The following EIF2S2 variants were observed in gnomAD, a reference collection of about 807,000 sequenced individuals.
The protein encoded by EIF2S2 is eukaryotic translation initiation factor 2 subunit 2.
Under a neutral mutation model 44.0 loss-of-function variants are expected in EIF2S2, and 4 were observed. The ratio of observed to expected loss-of-function variants is 0.09; its 90% CI spans 0.04 to 0.21. The LOEUF (loss-of-function observed/expected upper bound fraction) is 0.21. Among genes scored for constraint, EIF2S2 ranks in the 10% least tolerant of loss-of-function variants. EIF2S2 has a pLI of 1.00. For synonymous variants in EIF2S2, 108 were observed against 128.3 expected (o/e 0.84, Z 1.07); for missense variants, 154 against 392.0 (o/e 0.39, Z 5.13).
intron 7 of EIF2S2, among the ~76,000 whole-genome samples, chr20:34,092,148 T>C (rs2122391787): frequency 6.6e-6 from 1 of 152,330 alleles, no homozygotes; most frequent in Non-Finnish European, 1.5e-5. Context: ...GCTACAGTGA[T>C]TGCAATGCTT....
At chr20:34,110,522 C>T (rs985080795) in intron 1 of EIF2S2, among the ~76,000 whole-genome samples, 1 of 152,192 alleles carries the variant, frequency 6.6e-6, no homozygotes, top group Non-Finnish European at 1.5e-5. Flanking sequence ...CAAACTAATA[C>T]TTTATTGGCT....
At chr20:34,111,955 T>A in intron 1 of EIF2S2, 141 bp downstream of exon 1, 1 of 984,772 alleles carries the variant, frequency 1.0e-6, no homozygotes. Flanking sequence ...CCTCGCCGGC[T>A]CTGCCGCTCC....
chr20:34,098,848 G>A (rs895188657), intron 3 of EIF2S2, among the ~76,000 whole-genome samples: 22 of 152,156 alleles, frequency 1.4e-4, no homozygotes, highest in African/African-American at 3.9e-4. Context: ...TAAAAATGAC[G>A]TGGGCTGACA....
rs949095656 is a variant in EIF2S2 at position 34,112,174 on chromosome 20, G to T, written c.-64C>A. 2 of 1,482,930 alleles carry T rather than the reference G, an allele frequency of 1.3e-6. No homozygotes were observed. The highest frequency in any genetic ancestry group is 2.8e-5 in the African/African-American group (2 of 70,738). The allele number at this position is 1,482,930 out of a possible 1,614,324, so 91.9% of individuals were successfully genotyped here. Reference sequence around the variant, plus strand: ...AGACGGGTCAGCCCCAGGCCCCGGCGGCAGCGCTGCCCCTGCCGATACCTC... The same window carrying T: ...AGACGGGTCAGCCCCAGGCCCCGGCTGCAGCGCTGCCCCTGCCGATACCTC... On this transcript the variant is annotated 5_prime_UTR_variant, in exon 1 of 9. Coordinates refer to ENST00000374980, the MANE Select transcript of EIF2S2 (RefSeq NM_003908.5).
intron 6 of EIF2S2, among the ~76,000 whole-genome samples, chr20:34,094,655 TTAAA>T (rs2034206438): frequency 6.6e-6 from 1 of 151,808 alleles, no homozygotes; most frequent in African/African-American, 2.4e-5. Flanking sequence ...AGAGGAGTGG[TTAAA>T]TAAATCCATT....
intron 3 of EIF2S2, among the ~76,000 whole-genome samples, chr20:34,100,570 C>T (rs1434296915): frequency 6.6e-6 from 1 of 151,872 alleles, no homozygotes; most frequent in Non-Finnish European, 1.5e-5. Context: ...ATCTCATTAG[C>T]GTACCAAAGA....
chr20:34,099,578 C>T (rs552515122), intron 3 of EIF2S2, among the ~76,000 whole-genome samples: 1 of 152,174 alleles, frequency 6.6e-6, no homozygotes, highest in Admixed American at 6.5e-5. Flanking sequence ...CAGACACACA[C>T]TATCCAGAGT....
intron 7 of EIF2S2, among the ~76,000 whole-genome samples, chr20:34,092,915 C>T (rs2034184185): frequency 6.6e-6 from 1 of 152,224 alleles, no homozygotes; most frequent in South Asian, 2.1e-4. Context: ...GTGCCACTAA[C>T]TAGCTATGTG....
At chr20:34,103,369 G>A (rs942163342) in intron 3 of EIF2S2, 93 bp downstream of exon 3, 2 of 1,436,758 alleles carry the variant, frequency 1.4e-6, no homozygotes, top group Admixed American at 3.0e-5. Flanking sequence ...CAAAAGCAAA[G>A]CTAGTAAGAG....
In EIF2S2 at chr20:34,089,708, T is replaced by C. The variant is rs1469650593; in HGVS notation, c.*22A>G. Reference sequence around the variant, plus strand: ...CCAGCCACATCTCCACAACAAGCTTTGCAAAATCAGTGATTAGCAAATTAG... The same window carrying C: ...CCAGCCACATCTCCACAACAAGCTTCGCAAAATCAGTGATTAGCAAATTAG... On this transcript the variant is annotated 3_prime_UTR_variant, in exon 9 of 9. Coordinates refer to ENST00000374980, the MANE Select transcript of EIF2S2 (RefSeq NM_003908.5). 3.1e-6 allele frequency: 5 copies of C among 1,601,996 alleles called. No individual in the cohort carries two copies. In the East Asian group the frequency reaches 9.0e-5, roughly 29 times the overall value.
rs548783285 is a variant in EIF2S2 at position 34,089,443 on chromosome 20, C to CTGT, written c.*284_*286dup. The stretch of plus-strand genomic sequence containing the variant: ...AGGACAAACCAAATTGAAAGAATCA[C>CTGT]TGTTATAATAACTTTAATTTATCTT... On this transcript the variant is annotated 3_prime_UTR_variant, in exon 9 of 9. Coordinates refer to ENST00000374980, the MANE Select transcript of EIF2S2 (RefSeq NM_003908.5). 291 of 336,554 alleles carry CTGT rather than the reference C, an allele frequency of 8.6e-4. 1 individual carries two copies. The highest frequency in any genetic ancestry group is 1.4e-3 in the Non-Finnish European group (256 of 187,724). 20.8% of individuals were successfully genotyped at this position (336,554 alleles called of 1,614,324 possible).
rs975748849 is a variant in EIF2S2 at position 34,088,696 on chromosome 20, A to T, written c.*1034T>A. On this transcript the variant is annotated 3_prime_UTR_variant, in exon 9 of 9. Transcript: ENST00000374980. ...GAACAAGGCAGATCACAGCACCGAC[A>T]CAGAAGATGGCCTTCTCCCATGTGC... 11 of 152,582 alleles carry T rather than the reference A, an allele frequency of 7.2e-5. No individual in the cohort carries two copies. Among genetic ancestry groups the T allele is most frequent in the Non-Finnish European group, 1.6e-4 (11 of 68,052 alleles). 9.5% of individuals were successfully genotyped at this position (152,582 alleles called of 1,614,324 possible).
intron 6 of EIF2S2, among the ~76,000 whole-genome samples, chr20:34,095,847 C>A (rs942402882): frequency 2.6e-5 from 4 of 152,096 alleles, no homozygotes; most frequent in African/African-American, 9.7e-5. Flanking sequence ...GCATGTAGCA[C>A]TTAGGAAATT....
intron 5 of EIF2S2, among the ~76,000 whole-genome samples, chr20:34,097,079 G>A (rs1483140256): frequency 1.3e-5 from 2 of 152,210 alleles, no homozygotes; most frequent in African/African-American, 4.8e-5. Context: ...ACATGGAAAA[G>A]TAAGATTCAG....
At chr20:34,111,141 T>C (rs931736904) in intron 1 of EIF2S2, among the ~76,000 whole-genome samples, 3 of 152,180 alleles carry the variant, frequency 2.0e-5, no homozygotes, top group Admixed American at 1.3e-4. Context: ...CATTACCTGC[T>C]TGGCAAGTGT....
At chr20:34,091,772 T>TA (rs1466844611) in intron 7 of EIF2S2, among the ~76,000 whole-genome samples, 4 of 82,142 alleles carry the variant, frequency 4.9e-5, no homozygotes, top group Non-Finnish European at 9.1e-5. Flanking sequence ...TATATTTATT[T>TA]TTTTGGGGGG....
At position 34,089,583 on chromosome 20, in the gene EIF2S2, G is replaced by A. The variant is rs950716375; in HGVS notation, c.*147C>T. 13 of 731,274 alleles carry A rather than the reference G, an allele frequency of 1.8e-5. No homozygotes were observed. The highest frequency in any genetic ancestry group is 2.4e-5 in the Non-Finnish European group (11 of 464,728). The allele number at this position is 731,274 out of a possible 1,614,324, so 45.3% of individuals were successfully genotyped here. On this transcript the variant is annotated 3_prime_UTR_variant, in exon 9 of 9. Coordinates refer to ENST00000374980, the MANE Select transcript of EIF2S2 (RefSeq NM_003908.5). ...GTATGTCAACAGCTTGAGCATCAGC[G>A]TCTTGCAAGGACTTCAGACCAACCA...
At chr20:34,090,979 G>A (rs2034156002) in intron 7 of EIF2S2, among the ~76,000 whole-genome samples, 1 of 151,888 alleles carries the variant, frequency 6.6e-6, no homozygotes, top group East Asian at 1.9e-4. Context: ...TCAAACTACT[G>A]GACTCAAGTG....
At chr20:34,107,102 T>C (rs909468772) in intron 1 of EIF2S2, among the ~76,000 whole-genome samples, 2 of 151,734 alleles carry the variant, frequency 1.3e-5, no homozygotes, top group Non-Finnish European at 2.9e-5. Context: ...GGTGTGAACA[T>C]GGGCAGTGGA....
Sources: gnomAD v4.1 joint callset for allele counts (sites outside exome capture counted in the v4.1 genomes callset) on GRCh38, gnomAD v4.1.1 for gene constraint, MANE v1.5 for transcripts, NCBI Gene and HGNC (gene_info 2026-07-23, HGNC 2026-07-21) for gene names.